ADAM23: variants seen among roughly 807,000 people sequenced by gnomAD.
ADAM23 encodes ADAM metallopeptidase domain 23, also known as disintegrin and metalloproteinase domain-containing protein 23.
In ADAM23, 33 loss-of-function variants were observed where a neutral mutation model predicts 120.1. That is an observed-to-expected ratio of 0.27 (90% CI 0.21 to 0.37). ADAM23 has a LOEUF of 0.37. Among genes scored for constraint, ADAM23 ranks in the 10% least tolerant of loss-of-function variants. ADAM23 has a pLI of 1.00. For missense variants in ADAM23, 862 were observed against 1,058.2 expected, an observed-to-expected ratio of 0.81 and a Z score of 2.57; for synonymous variants, 367 against 375.2, an observed-to-expected ratio of 0.98 and a Z score of 0.25.
chr2:206,542,014 G>C (rs1358284797), intron 4 of ADAM23, 38 bp from the exon 5 acceptor site: 6 of 1,596,898 alleles, frequency 3.8e-6, no homozygotes, highest in Non-Finnish European at 5.2e-6. Context: ...TAATCATAAT[G>C]CATAAAATAC....
At chr2:206,608,781 T>C (rs1158040795) in intron 24 of ADAM23, among the ~76,000 whole-genome samples, 1 of 152,114 alleles carries the variant, frequency 6.6e-6, no homozygotes, top group Non-Finnish European at 1.5e-5. Flanking sequence ...CTGCCAAAAG[T>C]GGCATCCATT....
chr2:206,577,527 C>CT (rs1304090591), intron 18 of ADAM23, among the ~76,000 whole-genome samples: 1 of 141,128 alleles, frequency 7.1e-6, no homozygotes, highest in African/African-American at 2.7e-5. Context: ...GTTTTTTGTT[C>CT]TTGCGATAGT....
At chr2:206,580,144 C>T (rs1698194727) in intron 18 of ADAM23, among the ~76,000 whole-genome samples, 1 of 152,084 alleles carries the variant, frequency 6.6e-6, no homozygotes, top group African/African-American at 2.4e-5. Context: ...TCAAGGTAAA[C>T]AATCATATCA....
chr2:206,548,283 A>T lies in ADAM23; in HGVS notation c.796A>T (p.Met266Leu), dbSNP rs1395483854. 6.2e-7 allele frequency: 1 copy of T among 1,612,516 alleles called. No homozygotes were observed. Among genetic ancestry groups the T allele is most frequent in the South Asian group, 1.1e-5 (1 of 91,066 alleles). ...ATACTAATTTTTCCTTTCTGCAGCT[A>T]TGGAAAGAGGTGACCAGTGGCCCTT... ...QYSKQMKNLT[M>L]ERGDQWPFLS... Residue 266 changes from methionine (M) to leucine (L), a missense_variant and splice_region_variant, in exon 8 of 26, where the codon ATG becomes TTG. Met to Leu is a conservative substitution (Grantham distance 15). This residue lies in a region of ADAM23 where 617 missense variants were observed against 813.5 expected (regional missense o/e 0.76). Transcript: ENST00000264377.
chr2:206,568,800 ATAATGT>A (rs1275213771), intron 15 of ADAM23, among the ~76,000 whole-genome samples: 1 of 152,258 alleles, frequency 6.6e-6, no homozygotes, highest in African/African-American at 2.4e-5. Context: ...GAGCAGCGAA[ATAATGT>A]TAACCTTTTT....
chr2:206,531,764 C>T (rs1176265165), intron 4 of ADAM23, among the ~76,000 whole-genome samples: 1 of 152,176 alleles, frequency 6.6e-6, no homozygotes, highest in Non-Finnish European at 1.5e-5. Context: ...GGGGAAACCT[C>T]ACTGGATTTT....
At chr2:206,603,088 G>A (rs960331969) in intron 24 of ADAM23, among the ~76,000 whole-genome samples, 6 of 152,028 alleles carry the variant, frequency 3.9e-5, no homozygotes, top group African/African-American at 1.2e-4. Flanking sequence ...ATATATCATC[G>A]TGTGTCCAGC....
chr2:206,573,039 G>A (rs1232179905), intron 17 of ADAM23, 76 bp from the exon 18 acceptor site: 8 of 1,424,938 alleles, frequency 5.6e-6, no homozygotes, highest in South Asian at 3.4e-5. Context: ...AGGCATTGTC[G>A]GTGAGTCTAA....
chr2:206,450,625 C>CTA (rs1181799458), intron 2 of ADAM23, among the ~76,000 whole-genome samples: 3 of 152,204 alleles, frequency 2.0e-5, no homozygotes, highest in Non-Finnish European at 4.4e-5. Flanking sequence ...GTCACACTAA[C>CTA]TATATGCTTA....
chr2:206,545,453 T>C (rs999430128), intron 6 of ADAM23, among the ~76,000 whole-genome samples: 1 of 152,140 alleles, frequency 6.6e-6, no homozygotes, highest in Non-Finnish European at 1.5e-5. Context: ...ACCTTTGCAC[T>C]CCAGCCTGGG....
At chr2:206,541,141 G>A (rs1697283382) in intron 4 of ADAM23, among the ~76,000 whole-genome samples, 1 of 151,260 alleles carries the variant, frequency 6.6e-6, no homozygotes, top group African/African-American at 2.4e-5. Context: ...ACTCCAGCCT[G>A]GGCAGCAGGG....
chr2:206,474,864 T>G lies in ADAM23; in HGVS notation c.433-6368T>G, dbSNP rs117066599. 1.7e-3 allele frequency among the ~76,000 whole-genome samples: 256 copies of G among 152,278 alleles called. 1 individual carries two copies. In the East Asian group the frequency reaches 0.018, roughly 11 times the overall value. ...TGTTGGGATTACAGGCATGAGCCAC[T>G]GCGCCTGGCCGTCAGTTGCATTATT... On this transcript the variant is annotated intron_variant, in intron 2 of 25. Coordinates refer to ENST00000264377, the MANE Select transcript of ADAM23 (RefSeq NM_003812.4).
chr2:206,448,617 A>C (rs972066332), intron 2 of ADAM23, among the ~76,000 whole-genome samples: 2 of 152,290 alleles, frequency 1.3e-5, no homozygotes, highest in East Asian at 3.9e-4. Context: ...TTTGCACCCC[A>C]CAACCCCAAA....
intron 4 of ADAM23, among the ~76,000 whole-genome samples, chr2:206,540,039 A>C (rs1347363792): frequency 1.3e-5 from 2 of 152,178 alleles, no homozygotes; most frequent in African/African-American, 2.4e-5. Context: ...ATTCAAGGCC[A>C]GGCACGATGG....
Position 206,617,665 on chromosome 2 carries a change from G to C in ADAM23, c.*38G>C. The stretch of plus-strand genomic sequence containing the variant: ...GGATGGACACCGCCTTGCACTGTTG[G>C]ATTCTGGGTATGACATACTCGCAGC... On this transcript the variant is annotated 3_prime_UTR_variant, in exon 26 of 26. Transcript: ENST00000264377. The C allele has an allele frequency of 6.2e-7, 1 of 1,611,894 alleles. No homozygotes were observed. The highest frequency in any genetic ancestry group is 1.1e-5 in the South Asian group (1 of 90,470).
intron 3 of ADAM23, among the ~76,000 whole-genome samples, chr2:206,502,190 C>T (rs2105894332): frequency 6.6e-6 from 1 of 152,254 alleles, no homozygotes; most frequent in South Asian, 2.1e-4. Flanking sequence ...CATCTATCTT[C>T]CAAATGCGAT....
intron 2 of ADAM23, among the ~76,000 whole-genome samples, chr2:206,477,883 A>G (rs1351722975): frequency 2.4e-5 from 2 of 83,866 alleles, no homozygotes; most frequent in Admixed American, 1.2e-4. Context: ...ATTCTGTTAA[A>G]AAAAAAAAAA....
At chr2:206,577,759 G>A (rs1416933269) in intron 18 of ADAM23, among the ~76,000 whole-genome samples, 2 of 150,954 alleles carry the variant, frequency 1.3e-5, no homozygotes, top group Non-Finnish European at 3.0e-5. Flanking sequence ...ATGATTTATA[G>A]TCCTTTGGGT....
At chr2:206,592,400 C>G (rs576428037) in intron 21 of ADAM23, among the ~76,000 whole-genome samples, 1 of 152,260 alleles carries the variant, frequency 6.6e-6, no homozygotes, top group South Asian at 2.1e-4. Flanking sequence ...CATGATCCAC[C>G]TTTCAGGGCT....
Sources: allele counts gnomAD v4.1 joint callset (sites outside exome capture counted in the v4.1 genomes callset), GRCh38; gene constraint gnomAD v4.1.1; regional missense constraint gnomAD v4.1.1; transcripts MANE v1.5; gene names NCBI Gene and HGNC (gene_info 2026-07-23, HGNC 2026-07-21).